GNAQ: variants seen among roughly 807,000 people sequenced by gnomAD.
GNAQ encodes the protein guanine nucleotide-binding protein G(q) subunit alpha.
Under a neutral mutation model 43.9 loss-of-function variants are expected in GNAQ, and 8 were observed. The ratio of observed to expected loss-of-function variants is 0.18; its 90% CI spans 0.11 to 0.33. The LOEUF (loss-of-function observed/expected upper bound fraction) is 0.33, where lower values mean the gene tolerates loss of function less well. Ranked by LOEUF, GNAQ falls within the 10% of genes least tolerant of loss-of-function variation. The probability of loss-of-function intolerance (pLI) is 1.00; values close to 1 mark genes in which losing one functional copy is unlikely to be tolerated. For missense variants in GNAQ, 158 were observed against 450.8 expected, an observed-to-expected ratio of 0.35 and a Z score of 5.88; for synonymous variants, 155 against 170.7, an observed-to-expected ratio of 0.91 and a Z score of 0.71.
At chr9:77,752,532 T>C (rs1408195191) in intron 5 of GNAQ, among the ~76,000 whole-genome samples, 1 of 152,222 alleles carries the variant, frequency 6.6e-6, no homozygotes, top group African/African-American at 2.4e-5. Flanking sequence ...CTGATCTAAC[T>C]GCAACCTGCA....
chr9:77,874,479 T>A (rs973229383), intron 2 of GNAQ, among the ~76,000 whole-genome samples: 1 of 152,150 alleles, frequency 6.6e-6, no homozygotes, highest in African/African-American at 2.4e-5. Flanking sequence ...ACTAGGAGCT[T>A]CAAAAGAAAG....
intron 3 of GNAQ, among the ~76,000 whole-genome samples, chr9:77,799,502 A>AT (rs1393409641): frequency 1.3e-5 from 2 of 152,150 alleles, no homozygotes; most frequent in Non-Finnish European, 2.9e-5. Context: ...GGATTGATGG[A>AT]TTTCCTATGC....
Position 77,951,092 on chromosome 9 carries a change from C to CTTTTTTT in GNAQ, c.137-28754_137-28748dup, listed in dbSNP as rs35044662. Among the ~76,000 whole-genome samples, 154 of 89,280 alleles carry CTTTTTTT rather than the reference C, an allele frequency of 1.7e-3. 13 individuals carry two copies. The highest frequency in any genetic ancestry group is 5.1e-3 in the East Asian group (15 of 2,970). 58.6% of individuals were successfully genotyped at this position (89,280 alleles called of 152,430 possible). On this transcript the variant is annotated intron_variant, in intron 1 of 6. Coordinates refer to ENST00000286548, the MANE Select transcript of GNAQ (RefSeq NM_002072.5). Reference sequence around the variant, plus strand: ...TGAATACTGAACGCAGTCAAGTGTTCTTTTTTTTTTTTTTTTTTTTTTTGA... The same window carrying CTTTTTTT: ...TGAATACTGAACGCAGTCAAGTGTTCTTTTTTTTTTTTTTTTTTTTTTTTTTTTTTGA...
intron 1 of GNAQ, among the ~76,000 whole-genome samples, chr9:78,027,594 C>T (rs905913241): frequency 4.0e-5 from 6 of 150,838 alleles, no homozygotes; most frequent in Admixed American, 2.0e-4. Context: ...CTACTAAATG[C>T]AAAAAAAATA....
At chr9:77,889,051 A>G (rs1236193309) in intron 2 of GNAQ, among the ~76,000 whole-genome samples, 1 of 152,112 alleles carries the variant, frequency 6.6e-6, no homozygotes, top group Non-Finnish European at 1.5e-5. Context: ...ATACACCTCA[A>G]AACAACTTTT....
At chr9:77,857,784 T>C (rs1827782548) in intron 2 of GNAQ, among the ~76,000 whole-genome samples, 1 of 120,954 alleles carries the variant, frequency 8.3e-6, no homozygotes, top group African/African-American at 4.3e-5. Context: ...TTTTATACTC[T>C]TTTTTTTTTC....
intron 2 of GNAQ, among the ~76,000 whole-genome samples, chr9:77,891,952 TA>T (rs758592141): frequency 6.6e-6 from 1 of 152,190 alleles, no homozygotes; most frequent in Admixed American, 6.5e-5. Context: ...AGATGAGAAA[TA>T]AGCCTTTAAA....
intron 2 of GNAQ, among the ~76,000 whole-genome samples, chr9:77,850,252 C>A (rs895362002): frequency 6.6e-6 from 1 of 152,208 alleles, no homozygotes; most frequent in Non-Finnish European, 1.5e-5. Flanking sequence ...AATGCCCTCA[C>A]TCACCAAGTC....
intron 3 of GNAQ, among the ~76,000 whole-genome samples, chr9:77,800,781 T>G (rs150235104): frequency 6.6e-6 from 1 of 152,176 alleles, no homozygotes; most frequent in African/African-American, 2.4e-5. Flanking sequence ...AAAAATCAGA[T>G]AGCTACTCTG....
At chr9:77,877,498 T>C (rs1041219868) in intron 2 of GNAQ, among the ~76,000 whole-genome samples, 2 of 152,158 alleles carry the variant, frequency 1.3e-5, no homozygotes, top group Non-Finnish European at 2.9e-5. Context: ...TGCACATTTA[T>C]TGAGACTCCT....
chr9:77,915,861 G>A (rs546317265), intron 2 of GNAQ, among the ~76,000 whole-genome samples: 31 of 152,228 alleles, frequency 2.0e-4, no homozygotes, highest in South Asian at 1.5e-3. Flanking sequence ...TATTTTTCAC[G>A]CTGTGTATTT....
chr9:78,019,569 A>G (rs530057851), intron 1 of GNAQ, among the ~76,000 whole-genome samples: 2 of 152,358 alleles, frequency 1.3e-5, no homozygotes, highest in East Asian at 1.9e-4. Flanking sequence ...ATTAAAAATT[A>G]TTCAAATTAA....
intron 1 of GNAQ, among the ~76,000 whole-genome samples, chr9:78,017,873 G>T (rs1414386731): frequency 1.3e-5 from 2 of 152,074 alleles, no homozygotes; most frequent in African/African-American, 4.8e-5. Context: ...ATGGGGAAAT[G>T]ATCATTCTCA....
intron 1 of GNAQ, among the ~76,000 whole-genome samples, chr9:77,975,032 T>C (rs915022875): frequency 2.6e-5 from 4 of 152,314 alleles, no homozygotes; most frequent in Admixed American, 6.5e-5. Context: ...TCAGCCTTGC[T>C]CAGATGGCCC....
intron 1 of GNAQ, among the ~76,000 whole-genome samples, chr9:78,030,256 C>T (rs942985932): frequency 7.2e-5 from 11 of 152,110 alleles, no homozygotes; most frequent in Non-Finnish European, 1.5e-4. Context: ...TCTAGGTTGC[C>T]TCATTAAACA....
intron 1 of GNAQ, among the ~76,000 whole-genome samples, chr9:78,016,516 T>A (rs1823840379): frequency 6.6e-6 from 1 of 152,066 alleles, no homozygotes; most frequent in African/African-American, 2.4e-5. Flanking sequence ...AAGCCCTGTC[T>A]CTACTAAAAA....
At chr9:77,905,919 G>A (rs1051251372) in intron 2 of GNAQ, among the ~76,000 whole-genome samples, 9 of 152,188 alleles carry the variant, frequency 5.9e-5, no homozygotes, top group African/African-American at 2.2e-4. Context: ...ATCACAAACT[G>A]GGAGCTGTCA....
Position 77,797,630 on chromosome 9 carries a change from G to A in GNAQ, c.495C>T (p.Asp165=), listed in dbSNP as rs2118456565. Residue 165 remains aspartate (D), a synonymous_variant, in exon 4 of 7, where the codon GAC becomes GAT. Transcript: ENST00000286548. ...DSTKYYLNDL[D]RVADPAYLPT... ...GCAGGTAGGCAGGGTCAGCTACGCG[G>A]TCCAAGTCATTAAGATAGCTAGAGG... 6.2e-7 allele frequency: 1 copy of A among 1,613,630 alleles called. No homozygotes were observed. The highest frequency in any genetic ancestry group is 8.5e-7 in the Non-Finnish European group (1 of 1,179,680).
intron 1 of GNAQ, among the ~76,000 whole-genome samples, chr9:77,925,865 T>C (rs1957494651): frequency 1.3e-5 from 2 of 152,324 alleles, no homozygotes; most frequent in Admixed American, 1.3e-4. Context: ...AAGTACCTGA[T>C]ATAAAATGGT....
Sources: gnomAD v4.1 joint callset for allele counts (sites outside exome capture counted in the v4.1 genomes callset) on GRCh38, gnomAD v4.1.1 for gene constraint, MANE v1.5 for transcripts, NCBI Gene and HGNC (gene_info 2026-07-23, HGNC 2026-07-21) for gene names.